Variants in ABCG1 observed in about 807,000 individuals in gnomAD.
The protein encoded by ABCG1 is ATP-binding cassette sub-family G member 1.
ABCG1 carries 29 observed loss-of-function variants against 69.2 expected under a neutral mutation model. The ratio of observed to expected loss-of-function variants is 0.42; its 90% CI spans 0.31 to 0.57. The LOEUF (loss-of-function observed/expected upper bound fraction) is 0.57, where lower values mean the gene tolerates loss of function less well. Ranked by LOEUF, ABCG1 falls within the 20% of genes least tolerant of loss-of-function variation. ABCG1 has a pLI of 0.15. For missense variants in ABCG1, 718 were observed against 898.1 expected (o/e 0.80, Z 2.56); for synonymous variants, 370 against 374.8 (o/e 0.99, Z 0.15).
intron 2 of ABCG1, among the ~76,000 whole-genome samples, chr21:42,255,035 G>A (rs1569221149): frequency 6.6e-6 from 1 of 152,208 alleles, no homozygotes; most frequent in Non-Finnish European, 1.5e-5. Context: ...ATAATGGGAA[G>A]GATTTTATTC....
intron 2 of ABCG1, chr21:42,256,467 G>A (rs1045937175): frequency 7.5e-5 from 116 of 1,549,618 alleles, no homozygotes; most frequent in Middle Eastern, 5.0e-4. Context: ...CCACACCCTG[G>A]CTGGGTGTAC....
chr21:42,260,174 T>C, intron 2 of ABCG1: 8 of 1,550,338 alleles, frequency 5.2e-6, no homozygotes, highest in Non-Finnish European at 7.0e-6. Context: ...CGGGTGAAGC[T>C]GGTCACGTGG....
intron 5 of ABCG1, among the ~76,000 whole-genome samples, chr21:42,280,872 G>A (rs962047872): frequency 1.3e-5 from 2 of 152,252 alleles, no homozygotes; most frequent in Non-Finnish European, 2.9e-5. Context: ...TGCCAGCTGG[G>A]AAGAGGGCTC....
chr21:42,291,534 T>C lies in ABCG1; in HGVS notation c.1531T>C (p.Trp511Arg), dbSNP rs751411076. 1 of 1,613,774 alleles carries C rather than the reference T, an allele frequency of 6.2e-7. No individual in the cohort carries two copies. The highest frequency in any genetic ancestry group is 1.1e-5 in the South Asian group (1 of 91,074). Residue 511 changes from tryptophan (W) to arginine (R), a missense_variant, in exon 13 of 15, where the codon TGG becomes CGG. By Grantham distance (101) the Trp-to-Arg change is moderately radical (BLOSUM62 -3). Coordinates refer to ENST00000398449, the MANE Select transcript of ABCG1 (RefSeq NM_016818.3). This position sits in a 1 kb window ranked among gnomAD's most constrained non-coding sequence, Gnocchi z 6.4. ...AGTGGCCTACTGCAGCATCGTGTACTGGATGACGTCGCAGCCGTCCGACGC... is the reference window on the plus strand; with the variant it reads ...AGTGGCCTACTGCAGCATCGTGTACCGGATGACGTCGCAGCCGTCCGACGC... ...FPVAYCSIVY[W>R]MTSQPSDAVR...
intron 2 of ABCG1, among the ~76,000 whole-genome samples, chr21:42,242,656 G>A (rs1352053977): frequency 6.6e-6 from 1 of 152,200 alleles, no homozygotes. Flanking sequence ...GCTGGAGAAC[G>A]CTGGCCATTA....
At chr21:42,274,933 TTTATATTTCTGC>T (rs1490143112) in intron 4 of ABCG1, among the ~76,000 whole-genome samples, 5 of 152,072 alleles carry the variant, frequency 3.3e-5, no homozygotes, top group African/African-American at 1.2e-4. Flanking sequence ...TGGGGGACTG[TTTATATTTCTGC>T]TTCCTCCTTG....
Position 42,201,575 on chromosome 21 carries a change from A to G in ABCG1, c.-99-2A>G. On this transcript the variant is annotated splice_acceptor_variant, in intron 1 of 15. Transcript: ENST00000398457. LOFTEE classifies it low-confidence loss of function (5UTR_SPLICE). ...TGTCGACCTTCTTCCACTCCACCAC[A>G]GCGCTACACCAACCTGAACTTCGCT... The G allele has an allele frequency of 6.6e-7, 1 of 1,526,236 alleles. No homozygotes were observed. Among genetic ancestry groups the G allele is most frequent in the Admixed American group, 2.0e-5 (1 of 50,114 alleles). The allele number at this position is 1,526,236 out of a possible 1,614,324, so 94.5% of individuals were successfully genotyped here.
At chr21:42,232,124 C>T (rs1221407996) in intron 2 of ABCG1, among the ~76,000 whole-genome samples, 2 of 152,210 alleles carry the variant, frequency 1.3e-5, no homozygotes, top group African/African-American at 4.8e-5. Flanking sequence ...ACAGTTCTGA[C>T]CCCTCTGCCT....
At chr21:42,212,831 C>A (rs1377376928), upstream of ABCG1, among the ~76,000 whole-genome samples, 1 of 151,524 alleles carries the variant, frequency 6.6e-6, no homozygotes, top group South Asian at 2.1e-4. Flanking sequence ...GTAGCTGGGG[C>A]TACAGGTGCC....
At chr21:42,284,449 AG>A in intron 6 of ABCG1, 110 bp from the exon 7 acceptor site, 4 of 1,340,446 alleles carry the variant, frequency 3.0e-6, no homozygotes, top group Non-Finnish European at 4.0e-6. Context: ...CTGCAGCTGC[AG>A]CCCCTGATGC....
At chr21:42,249,294 T>A (rs1388681315) in intron 2 of ABCG1, among the ~76,000 whole-genome samples, 1 of 152,172 alleles carries the variant, frequency 6.6e-6, no homozygotes, top group East Asian at 1.9e-4. Flanking sequence ...TATTTTTCAT[T>A]GATTTATTCA....
At chr21:42,268,510 G>A (rs1297130861) in intron 2 of ABCG1, among the ~76,000 whole-genome samples, 1 of 152,118 alleles carries the variant, frequency 6.6e-6, no homozygotes, top group Non-Finnish European at 1.5e-5. Context: ...TTGTACCCGG[G>A]CTGTCCCACA....
At chr21:42,218,582 T>G (rs1418085486), upstream of ABCG1, among the ~76,000 whole-genome samples, 1 of 152,220 alleles carries the variant, frequency 6.6e-6, no homozygotes, top group African/African-American at 2.4e-5. Context: ...CAATGTCACA[T>G]GTGTGAGTGC....
At chr21:42,260,054 C>T (rs1018800099) in intron 2 of ABCG1, 71 of 1,550,364 alleles carry the variant, frequency 4.6e-5, no homozygotes, top group African/African-American at 9.6e-5. Context: ...TGGGGGTGGT[C>T]GCTATCAGTG....
chr21:42,214,731 A>G (rs1287788285), upstream of ABCG1, among the ~76,000 whole-genome samples: 1 of 152,196 alleles, frequency 6.6e-6, no homozygotes, highest in Non-Finnish European at 1.5e-5. Context: ...GGGAACTTTT[A>G]TCTTCAGAGT....
intron 2 of ABCG1, among the ~76,000 whole-genome samples, chr21:42,266,983 C>CT (rs1194115538): frequency 3.3e-5 from 5 of 152,116 alleles, no homozygotes; most frequent in African/African-American, 4.8e-5. Flanking sequence ...GAACTTATGG[C>CT]TTTTTTTGCC....
At chr21:42,268,912 G>C (rs1000882551) in intron 2 of ABCG1, among the ~76,000 whole-genome samples, 1 of 152,150 alleles carries the variant, frequency 6.6e-6, no homozygotes, top group African/African-American at 2.4e-5. Context: ...GTGATCATCG[G>C]GTGCCCCAGT....
intron 5 of ABCG1, 136 bp downstream of exon 5, chr21:42,277,081 A>G (rs2068724944): frequency 1.1e-6 from 1 of 916,516 alleles, no homozygotes; most frequent in African/African-American, 1.6e-5. Context: ...TGTGTGGGAC[A>G]GGCAACATTT....
At chr21:42,203,917 T>A (rs769389308) in intron 2 of ABCG1, among the ~76,000 whole-genome samples, 4 of 152,254 alleles carry the variant, frequency 2.6e-5, no homozygotes, top group Non-Finnish European at 5.9e-5. Context: ...CTTTTTTTAC[T>A]TCTTTTATCA....
Sources: allele counts gnomAD v4.1 joint callset (sites outside exome capture counted in the v4.1 genomes callset), GRCh38; gene constraint gnomAD v4.1.1; non-coding constraint Gnocchi (gnomAD v3.1); transcripts MANE v1.5; gene names NCBI Gene and HGNC (gene_info 2026-07-23, HGNC 2026-07-21).